RERE: variants seen among roughly 807,000 people sequenced by gnomAD.
RERE encodes arginine-glutamic acid dipeptide repeats protein.
Under a neutral mutation model 146.1 loss-of-function variants are expected in RERE, and 40 were observed. The observed-to-expected ratio is 0.27, with a 90% CI of 0.21 to 0.36. The LOEUF (loss-of-function observed/expected upper bound fraction) is 0.36. Among genes scored for constraint, RERE ranks in the 10% least tolerant of loss-of-function variants. The pLI is 1.00. For missense variants in RERE, 1,933 were observed against 2,138.7 expected (o/e 0.90, Z 1.90); for synonymous variants, 1,003 against 866.0 (o/e 1.16, Z -2.78).
intron 1 of RERE, among the ~76,000 whole-genome samples, chr1:8,768,062 T>G (rs1640881523): frequency 6.6e-6 from 1 of 152,186 alleles, no homozygotes; most frequent in Non-Finnish European, 1.5e-5. Context: ...AAGGACCACT[T>G]GAAATAGTCA....
intron 6 of RERE, among the ~76,000 whole-genome samples, chr1:8,550,417 T>C (rs1455726534): frequency 1.3e-5 from 2 of 152,236 alleles, no homozygotes; most frequent in Non-Finnish European, 2.9e-5. Context: ...TTATTTCACA[T>C]ATAAAAACAA....
chr1:8,780,758 A>G (rs544511668), intron 1 of RERE, among the ~76,000 whole-genome samples: 2 of 152,346 alleles, frequency 1.3e-5, no homozygotes, highest in South Asian at 4.1e-4. Context: ...TAATCTTACT[A>G]TATCTATTTT....
intron 10 of RERE, 64 bp downstream of exon 10, chr1:8,494,999 C>T: frequency 8.4e-7 from 1 of 1,184,086 alleles, no homozygotes. Context: ...ATCACACATT[C>T]CCTACAGCCA....
chr1:8,495,431 C>T lies in RERE; in HGVS notation c.1005-269G>A, dbSNP rs187731732. Among the ~76,000 whole-genome samples, 21 of 152,220 alleles carry T rather than the reference C, an allele frequency of 1.4e-4. No individual in the cohort carries two copies. In the East Asian group the frequency reaches 4.1e-3, roughly 29 times the overall value. On this transcript the variant is annotated intron_variant, in intron 9 of 22. Transcript: ENST00000400908. ...CAGGATTCAAGGGATTCTCCTGCCTCGGCCTCCCGAGTAGCTGAGATTACA... is the reference window on the plus strand; with the variant it reads ...CAGGATTCAAGGGATTCTCCTGCCTTGGCCTCCCGAGTAGCTGAGATTACA...
At chr1:8,701,249 C>T (rs949516963) in intron 1 of RERE, among the ~76,000 whole-genome samples, 9 of 149,068 alleles carry the variant, frequency 6.0e-5, no homozygotes, top group Non-Finnish European at 1.0e-4. Context: ...AAATGAATTG[C>T]CATATAGCTG....
In RERE at chr1:8,360,699, G is replaced by A. The variant is rs374089396; in HGVS notation, c.2808C>T (p.Ile936=). Reference sequence around the variant, plus strand: ...GGGCCTGTGGCGCCGGCAGCTGGGGGATGGGAGTGGTAGGCGGGGGCTTGA... The same window carrying A: ...GGGCCTGTGGCGCCGGCAGCTGGGGAATGGGAGTGGTAGGCGGGGGCTTGA... The part of the protein sequence containing the change: ...PHIKPPPTTP[I]PQLPAPQAHK... Residue 936 remains isoleucine (I), a synonymous_variant, in exon 18 of 23, where the codon ATC becomes ATT. Transcript: ENST00000400908. 2 of 1,570,542 alleles carry A rather than the reference G, an allele frequency of 1.3e-6. No homozygotes were observed. The highest frequency in any genetic ancestry group is 2.3e-5 in the East Asian group (1 of 44,074).
At chr1:8,672,023 T>G (rs541933905) in intron 1 of RERE, among the ~76,000 whole-genome samples, 1 of 152,180 alleles carries the variant, frequency 6.6e-6, no homozygotes, top group Admixed American at 6.5e-5. Flanking sequence ...AAATTCTATC[T>G]AGCACTTTGG....
chr1:8,591,133 C>T (rs977037748), intron 4 of RERE, among the ~76,000 whole-genome samples: 2 of 152,158 alleles, frequency 1.3e-5, no homozygotes, highest in South Asian at 2.1e-4. Context: ...ATTTCTGTGG[C>T]GCTGACATCA....
At chr1:8,541,150 C>T in intron 7 of RERE, 64 bp downstream of exon 7, 8 of 776,950 alleles carry the variant, frequency 1.0e-5, no homozygotes, top group African/African-American at 1.7e-5. Flanking sequence ...CACACACATA[C>T]ACACACACAC....
chr1:8,547,860 A>T (rs1645884626), intron 6 of RERE, among the ~76,000 whole-genome samples: 1 of 152,216 alleles, frequency 6.6e-6, no homozygotes, highest in Non-Finnish European at 1.5e-5. Flanking sequence ...CACTATTATA[A>T]ATGCACCCTG....
chr1:8,484,792 T>C (rs1286408737), intron 10 of RERE, among the ~76,000 whole-genome samples: 2 of 152,208 alleles, frequency 1.3e-5, no homozygotes, highest in Non-Finnish European at 2.9e-5. Context: ...CATTGCTACA[T>C]ACAAAAAGGA....
At chr1:8,460,887 C>T (rs563563844) in intron 11 of RERE, among the ~76,000 whole-genome samples, 1 of 152,320 alleles carries the variant, frequency 6.6e-6, no homozygotes, top group Non-Finnish European at 1.5e-5. Flanking sequence ...TCAAACCAAA[C>T]TCCACAAGGA....
At chr1:8,729,988 C>T (rs1344797320) in intron 1 of RERE, among the ~76,000 whole-genome samples, 1 of 152,186 alleles carries the variant, frequency 6.6e-6, no homozygotes, top group African/African-American at 2.4e-5. Flanking sequence ...ATTTCACTCA[C>T]ATCAATGTTA....
chr1:8,413,111 A>G (rs543196821), intron 12 of RERE, among the ~76,000 whole-genome samples: 159 of 152,318 alleles, frequency 1.0e-3, no homozygotes, highest in African/African-American at 3.7e-3. Context: ...TTATTTATAC[A>G]TGCGTGAACA....
rs551653906 is a variant in RERE at position 8,666,523 on chromosome 1, T to C, written c.-144-10082A>G. 1.1e-4 allele frequency among the ~76,000 whole-genome samples: 16 copies of C among 152,324 alleles called. 2 individuals are homozygous for C. The South Asian group carries it at 3.3e-3, about 32-fold the overall frequency. Reference sequence around the variant, plus strand: ...ACTTGCTTCCAAAGGGAAATCAATTTTCCTTTCCTGTTGCCTTTCATATCA... The same window carrying C: ...ACTTGCTTCCAAAGGGAAATCAATTCTCCTTTCCTGTTGCCTTTCATATCA... On this transcript the variant is annotated intron_variant, in intron 1 of 22. Coordinates refer to ENST00000400908, the MANE Select transcript of RERE (RefSeq NM_001042681.2).
At chr1:8,809,157 A>AAAAAAACAAAAAAAAAACAAT (rs985140466) in intron 1 of RERE, among the ~76,000 whole-genome samples, 1 of 146,122 alleles carries the variant, frequency 6.8e-6, no homozygotes, top group African/African-American at 2.8e-5. Flanking sequence ...AAAAAAAAAA[A>AAAAAAACAAAAAAAAAACAAT]AAAGTACTGA....
chr1:8,797,011 A>T (rs187375848), intron 1 of RERE, among the ~76,000 whole-genome samples: 5 of 152,128 alleles, frequency 3.3e-5, no homozygotes, highest in African/African-American at 1.2e-4. Flanking sequence ...GGCAACAGAC[A>T]AGGGCTGTCA....
At chr1:8,756,816 A>G (rs1640647323) in intron 1 of RERE, among the ~76,000 whole-genome samples, 2 of 152,152 alleles carry the variant, frequency 1.3e-5, no homozygotes. Flanking sequence ...TGTTGGCCAG[A>G]CATGGTGGCT....
At chr1:8,403,707 G>GATCATCTC (rs1643345090) in intron 12 of RERE, among the ~76,000 whole-genome samples, 2 of 150,794 alleles carry the variant, frequency 1.3e-5, no homozygotes, top group African/African-American at 2.4e-5. Context: ...ATTTAATGTG[G>GATCATCTC]ATCATCTCAT....
Sources: allele counts gnomAD v4.1 joint callset (sites outside exome capture counted in the v4.1 genomes callset), GRCh38; gene constraint gnomAD v4.1.1; transcripts MANE v1.5; gene names NCBI Gene and HGNC (gene_info 2026-07-23, HGNC 2026-07-21).